SLC20A2: variants seen among roughly 807,000 people sequenced by gnomAD.
SLC20A2 encodes the protein solute carrier family 20 member 2.
In SLC20A2, 30 loss-of-function variants were observed where a neutral mutation model predicts 61.0. The observed-to-expected ratio is 0.49, with a 90% CI of 0.37 to 0.67. SLC20A2 has a LOEUF of 0.67. SLC20A2 is among the 30% of genes least tolerant of loss of function. The probability of loss-of-function intolerance (pLI) is 0.00; values close to 1 mark genes in which losing one functional copy is unlikely to be tolerated. For synonymous variants in SLC20A2, 351 were observed against 353.3 expected, an observed-to-expected ratio of 0.99 and a Z score of 0.07; for missense variants, 626 against 866.4, an observed-to-expected ratio of 0.72 and a Z score of 3.48.
intron 3 of SLC20A2, 134 bp from the exon 4 acceptor site, chr8:42,463,224 C>G (rs565574247): frequency 1.7e-4 from 100 of 572,886 alleles, no homozygotes; most frequent in African/African-American, 1.7e-3. Flanking sequence ...ACCTTTAATT[C>G]AGAACCTAAC....
intron 4 of SLC20A2, among the ~76,000 whole-genome samples, chr8:42,462,013 C>CT (rs1191239696): frequency 2.0e-5 from 3 of 152,102 alleles, no homozygotes; most frequent in Non-Finnish European, 2.9e-5. Flanking sequence ...ATATGACATG[C>CT]TAAGTGCCGT....
intron 10 of SLC20A2, among the ~76,000 whole-genome samples, chr8:42,422,692 T>C (rs963773060): frequency 2.0e-5 from 3 of 152,166 alleles, no homozygotes; most frequent in Non-Finnish European, 4.4e-5. Flanking sequence ...CTTAATTTCA[T>C]CCTATTGTTC....
At chr8:42,438,447 C>CTT (rs1484223033) in intron 7 of SLC20A2, among the ~76,000 whole-genome samples, 1 of 152,150 alleles carries the variant, frequency 6.6e-6, no homozygotes, top group Non-Finnish European at 1.5e-5. Flanking sequence ...TCTGGGACTA[C>CTT]AGGTGTGCAC....
chr8:42,530,089 T>A (rs1390746233), intron 1 of SLC20A2, among the ~76,000 whole-genome samples: 1 of 152,152 alleles, frequency 6.6e-6, no homozygotes. Flanking sequence ...TATGTGATTT[T>A]TTTTTTCCAA....
intron 1 of SLC20A2, among the ~76,000 whole-genome samples, chr8:42,496,740 G>A (rs961762220): frequency 1.3e-5 from 2 of 152,202 alleles, no homozygotes; most frequent in African/African-American, 4.8e-5. Flanking sequence ...GCTTGGATTC[G>A]TTAGGGCCTT....
chr8:42,477,443 A>C, intron 1 of SLC20A2, among the ~76,000 whole-genome samples: 1 of 144,250 alleles, frequency 6.9e-6, no homozygotes. Flanking sequence ...AAAGACTGAC[A>C]CATGTTGTGA....
At chr8:42,496,239 C>G (rs1809917664) in intron 1 of SLC20A2, among the ~76,000 whole-genome samples, 1 of 152,186 alleles carries the variant, frequency 6.6e-6, no homozygotes, top group Non-Finnish European at 1.5e-5. Flanking sequence ...AACATGTCCT[C>G]AGAGAGCCCT....
At chr8:42,443,266 TATATATATA>T (rs1563462115) in intron 6 of SLC20A2, among the ~76,000 whole-genome samples, 3,544 of 93,394 alleles carry the variant, frequency 0.038, 242 homozygotes, top group African/African-American at 0.071. Flanking sequence ...TATTATAGGA[TATATATATA>T]TATATATATA....
intron 1 of SLC20A2, among the ~76,000 whole-genome samples, chr8:42,533,654 C>CTTTTTTTTTTTTTTT (rs1162369065): frequency 3.1e-4 from 17 of 55,302 alleles, no homozygotes; most frequent in African/African-American, 9.7e-4. Flanking sequence ...ATCAACTGTT[C>CTTTTTTTTTTTTTTT]TTTTTTTTTT....
At position 42,495,319 on chromosome 8, in the gene SLC20A2, A is replaced by G. The variant is rs531474872; in HGVS notation, c.-265+5712T>C. ...GGCTGCCATTATTAAGAACCAAATT[A>G]AACAGACACTTGGAATGTTCCCTAC... On this transcript the variant is annotated intron_variant, in intron 1 of 10. Transcript: ENST00000520262. Among the ~76,000 whole-genome samples, 23 of 152,342 alleles carry G rather than the reference A, an allele frequency of 1.5e-4. No homozygotes were observed. The South Asian group carries it at 4.8e-3, about 32-fold the overall frequency.
chr8:42,525,243 G>A lies in SLC20A2; in HGVS notation c.-265+16578C>T, dbSNP rs1313809037. On this transcript the variant is annotated intron_variant, in intron 1 of 10. Transcript: ENST00000342228. ...CTCTATTTTTCGTGAGAATGCTCACGCCTCTGAAATCTGCTTACGTATTAT... is the reference window on the plus strand; with the variant it reads ...CTCTATTTTTCGTGAGAATGCTCACACCTCTGAAATCTGCTTACGTATTAT... Among the ~76,000 whole-genome samples, 5 of 152,190 alleles carry A rather than the reference G, an allele frequency of 3.3e-5. No homozygotes were observed. The Middle Eastern group carries it at 0.01, about 311-fold the overall frequency.
intron 1 of SLC20A2, among the ~76,000 whole-genome samples, chr8:42,525,148 C>A (rs1051634445): frequency 6.6e-6 from 1 of 152,166 alleles, no homozygotes; most frequent in African/African-American, 2.4e-5. Context: ...GCTGGTGCCA[C>A]ACCCACCATC....
intron 10 of SLC20A2, among the ~76,000 whole-genome samples, chr8:42,426,581 A>C (rs1191446458): frequency 6.6e-6 from 1 of 152,116 alleles, no homozygotes; most frequent in African/African-American, 2.4e-5. Context: ...CTGTAATCTC[A>C]GCTACCCGGA....
intron 5 of SLC20A2, among the ~76,000 whole-genome samples, chr8:42,449,658 G>C (rs1250837433): frequency 6.6e-6 from 1 of 152,018 alleles, no homozygotes; most frequent in Non-Finnish European, 1.5e-5. Flanking sequence ...CAGATTCTTT[G>C]TCTTCATTAT....
At chr8:42,419,539 A>C in intron 10 of SLC20A2, 5 of 173,334 alleles carry the variant, frequency 2.9e-5, no homozygotes, top group Non-Finnish European at 4.6e-5. Flanking sequence ...ACAGAATGAG[A>C]CTCAGTCTCA....
At chr8:42,491,568 G>A (rs961965233) in intron 1 of SLC20A2, among the ~76,000 whole-genome samples, 5 of 151,946 alleles carry the variant, frequency 3.3e-5, no homozygotes, top group Admixed American at 2.0e-4. Context: ...CTATTTGGGA[G>A]GCTGAGGCAA....
At chr8:42,423,628 A>G (rs1803187914) in intron 10 of SLC20A2, among the ~76,000 whole-genome samples, 2 of 152,206 alleles carry the variant, frequency 1.3e-5, no homozygotes, top group African/African-American at 4.8e-5. Flanking sequence ...ATGCTGTTCT[A>G]AATAAACGTT....
chr8:42,454,724 A>AATT (rs1210176398), intron 5 of SLC20A2, among the ~76,000 whole-genome samples: 24 of 151,074 alleles, frequency 1.6e-4, no homozygotes, highest in Admixed American at 1.3e-3. Flanking sequence ...CAGATTTTAC[A>AATT]ATTATTATTA....
intron 1 of SLC20A2, among the ~76,000 whole-genome samples, chr8:42,475,972 G>C (rs915776686): frequency 6.6e-6 from 1 of 152,006 alleles, no homozygotes; most frequent in African/African-American, 2.4e-5. Flanking sequence ...AAAAATAACC[G>C]AGTGGGTTTT....
Sources: allele counts gnomAD v4.1 joint callset (sites outside exome capture counted in the v4.1 genomes callset), GRCh38; gene constraint gnomAD v4.1.1; transcripts MANE v1.5; gene names NCBI Gene and HGNC (gene_info 2026-07-23, HGNC 2026-07-21).